C6orf89: variants seen among roughly 807,000 people sequenced by gnomAD.
The protein encoded by C6orf89 is chromosome 6 open reading frame 89, also known as bombesin receptor-activated protein C6orf89.
C6orf89 carries 29 observed loss-of-function variants against 40.7 expected under a neutral mutation model. That is an observed-to-expected ratio of 0.71 (90% CI 0.53 to 0.97). The LOEUF (loss-of-function observed/expected upper bound fraction) is 0.97. C6orf89 is among the 50% of genes least tolerant of loss of function. The pLI is 0.00. For missense variants in C6orf89, 392 were observed against 429.1 expected (o/e 0.91, Z 0.76); for synonymous variants, 165 against 152.2 (o/e 1.08, Z -0.62).
chr6:36,917,667 T>G (rs756546607), intron 7 of C6orf89, among the ~76,000 whole-genome samples: 1 of 152,160 alleles, frequency 6.6e-6, no homozygotes, highest in Non-Finnish European at 1.5e-5. Context: ...TGTCTAGAAG[T>G]AAGAAGTTCT....
At chr6:36,915,007 A>G (rs964764404) in intron 6 of C6orf89, among the ~76,000 whole-genome samples, 17 of 152,066 alleles carry the variant, frequency 1.1e-4, no homozygotes, top group African/African-American at 3.9e-4. Flanking sequence ...TGGGGGGGCT[A>G]TGGGGGCACT....
intron 3 of C6orf89, among the ~76,000 whole-genome samples, chr6:36,900,392 G>C (rs1370220228): frequency 6.6e-6 from 1 of 151,182 alleles, no homozygotes; most frequent in Non-Finnish European, 1.5e-5. Context: ...AGTAGAGACA[G>C]GGTTTCTCCA....
At position 36,902,284 on chromosome 6, in the gene C6orf89, T is replaced by C. The variant is rs979161342; in HGVS notation, c.253T>C (p.Leu85=). Residue 85 remains leucine (L), a synonymous_variant, in exon 4 of 9, where the codon TTA becomes CTA. Transcript: ENST00000480824. ...CTTTGTGATTCAACCTTTCAGCCCA[T>C]TAGCACCTGAGCCAGTGCTTTCTGG... The part of the protein sequence containing the change: ...AYFVIQPFSP[L]APEPVLSGAH... The C allele has an allele frequency of 3.1e-6, 5 of 1,614,098 alleles. No homozygotes were observed. Among genetic ancestry groups the C allele is most frequent in the Non-Finnish European group, 4.2e-6 (5 of 1,180,050 alleles).
At chr6:36,911,955 A>G (rs1762143832) in intron 4 of C6orf89, among the ~76,000 whole-genome samples, 1 of 119,984 alleles carries the variant, frequency 8.3e-6, no homozygotes, top group Non-Finnish European at 1.7e-5. Flanking sequence ...CCTTTTCCCT[A>G]AAAAAGGGCA....
chr6:36,916,594 C>A lies in C6orf89; in HGVS notation c.825+20C>A. 2 of 1,612,408 alleles carry A rather than the reference C, an allele frequency of 1.2e-6. No homozygotes were observed. On this transcript the variant is annotated intron_variant, in intron 7 of 8. Coordinates refer to ENST00000480824, the MANE Select transcript of C6orf89 (RefSeq NM_001286635.2). ...AGTAAGGTAGGAAATTTTGAGAGGA[C>A]TTGGATCTAGAATTTTCTTTATTTG...
At chr6:36,909,894 T>C (rs1319317079) in intron 4 of C6orf89, among the ~76,000 whole-genome samples, 1 of 152,178 alleles carries the variant, frequency 6.6e-6, no homozygotes, top group East Asian at 1.9e-4. Context: ...CCATTTTTCC[T>C]TTATAGCCTC....
chr6:36,908,150 G>A (rs571115112), intron 4 of C6orf89, among the ~76,000 whole-genome samples: 2 of 152,334 alleles, frequency 1.3e-5, no homozygotes, highest in African/African-American at 4.8e-5. Context: ...AGGCTACAGA[G>A]AAATCAAAAG....
At chr6:36,893,686 C>G (rs1761311036) in intron 1 of C6orf89, among the ~76,000 whole-genome samples, 1 of 152,148 alleles carries the variant, frequency 6.6e-6, no homozygotes. Context: ...AATCCCAGCA[C>G]TTGGGAGTCC....
At chr6:36,903,251 A>G (rs1288315706) in intron 4 of C6orf89, among the ~76,000 whole-genome samples, 1 of 152,036 alleles carries the variant, frequency 6.6e-6, no homozygotes, top group East Asian at 1.9e-4. Context: ...GTGTGTAAAG[A>G]AATTTACTTT....
At chr6:36,894,336 G>T (rs1761345165) in intron 1 of C6orf89, among the ~76,000 whole-genome samples, 168 bp from the exon 2 acceptor site, 1 of 152,092 alleles carries the variant, frequency 6.6e-6, no homozygotes, top group African/African-American at 2.4e-5. Context: ...TTTTGACTGG[G>T]TATTGTTAGA....
At chr6:36,905,743 C>T (rs1419145768) in intron 4 of C6orf89, among the ~76,000 whole-genome samples, 1 of 152,192 alleles carries the variant, frequency 6.6e-6, no homozygotes, top group Admixed American at 6.5e-5. Flanking sequence ...CGGCCATCCC[C>T]TTGGTTTTTA....
At chr6:36,879,945 G>A (rs540887829) in intron 2 of C6orf89, among the ~76,000 whole-genome samples, 55 of 152,290 alleles carry the variant, frequency 3.6e-4, no homozygotes, top group African/African-American at 1.3e-3. Flanking sequence ...ACTCCTTCTG[G>A]GAAGGGCAGT....
intron 3 of C6orf89, among the ~76,000 whole-genome samples, chr6:36,901,318 A>ATTTTTTTTTTTTTTTT (rs1408790414): frequency 1.2e-4 from 8 of 65,122 alleles, no homozygotes; most frequent in Non-Finnish European, 2.4e-4. Context: ...TATTATTATT[A>ATTTTTTTTTTTTTTTT]TTATTTTTTT....
At position 36,926,378 on chromosome 6, in the gene C6orf89, C is replaced by CA. The variant is rs1762673678; in HGVS notation, c.*2942dup. 6.6e-6 allele frequency: 1 copy of CA among 151,852 alleles called. No homozygotes were observed. The highest frequency in any genetic ancestry group is 1.5e-5 in the Non-Finnish European group (1 of 67,966). 9.4% of individuals were successfully genotyped at this position (151,852 alleles called of 1,614,324 possible). ...TGAAACCCCATCTCTACTAAAAATA[C>CA]AAAAATTACCCAGGCGTGATGGTGG... is the stretch of plus-strand genomic sequence containing the variant. On this transcript the variant is annotated 3_prime_UTR_variant, in exon 9 of 9. Transcript: ENST00000480824.
At chr6:36,901,948 G>C (rs929230983) in intron 3 of C6orf89, among the ~76,000 whole-genome samples, 5 of 152,228 alleles carry the variant, frequency 3.3e-5, no homozygotes, top group Non-Finnish European at 7.3e-5. Context: ...TGGGATTACA[G>C]GCGAGAGCCA....
chr6:36,879,416 G>T (rs1001772033), intron 2 of C6orf89, among the ~76,000 whole-genome samples: 1 of 152,132 alleles, frequency 6.6e-6, no homozygotes, highest in Non-Finnish European at 1.5e-5. Flanking sequence ...TGATGGTGTG[G>T]CAAGCTGGGT....
intron 4 of C6orf89, 75 bp downstream of exon 4, chr6:36,902,509 T>G (rs1476748096): frequency 7.3e-7 from 1 of 1,371,440 alleles, no homozygotes; most frequent in Admixed American, 1.9e-5. Context: ...GTAACATTTA[T>G]TGATACCTAA....
upstream of C6orf89, among the ~76,000 whole-genome samples, chr6:36,885,015 G>C (rs139167567): frequency 5.1e-3 from 784 of 152,252 alleles, 7 homozygotes; most frequent in African/African-American, 0.016. Flanking sequence ...CAATGACCAA[G>C]GTTTTGGTCA....
chr6:36,889,582 C>CAAAAAAAA (rs58417436), intron 1 of C6orf89, among the ~76,000 whole-genome samples: 12,920 of 139,448 alleles, frequency 0.093, 440 homozygotes, highest in African/African-American at 0.15. Context: ...AAAACAAAAA[C>CAAAAAAAA]AAAAAAAAAA....
Sources: gnomAD v4.1 joint callset for allele counts (sites outside exome capture counted in the v4.1 genomes callset) on GRCh38, gnomAD v4.1.1 for gene constraint, MANE v1.5 for transcripts, NCBI Gene and HGNC (gene_info 2026-07-23, HGNC 2026-07-21) for gene names.